Variants in AFG2A observed in about 807,000 individuals in gnomAD.
AFG2A encodes the protein AAA ATPase AFG2A, also known as ATPase family gene 2 protein homolog A.
chr4:123,287,070 C>T, the AFG2A span, among the ~76,000 whole-genome samples: 1 of 152,016 alleles, frequency 6.6e-6, no homozygotes, highest in Non-Finnish European at 1.5e-5. Context: ...CCGGCAGGCC[C>T]CTAGAGAGTG....
the AFG2A span, among the ~76,000 whole-genome samples, chr4:123,108,577 T>G: frequency 0.011 from 1,632 of 152,258 alleles, 34 homozygotes; most frequent in South Asian, 0.096. Context: ...ACAGACTTAG[T>G]CAGAGGTATG....
the AFG2A span, among the ~76,000 whole-genome samples, chr4:123,148,035 G>T: frequency 6.6e-6 from 1 of 152,156 alleles, no homozygotes; most frequent in Admixed American, 6.6e-5. Context: ...GAAAAAAAGA[G>T]CAGTGTAAAA....
chr4:123,254,819 C>A, the AFG2A span, among the ~76,000 whole-genome samples: 12 of 152,154 alleles, frequency 7.9e-5, no homozygotes, highest in Non-Finnish European at 1.8e-4. Context: ...ATAATGTAGG[C>A]ATTAGCCTCT....
At chr4:123,265,085 G>C in the AFG2A span, among the ~76,000 whole-genome samples, 9 of 152,010 alleles carry the variant, frequency 5.9e-5, no homozygotes, top group Admixed American at 3.9e-4. Flanking sequence ...CACAGAACTT[G>C]GATTTTAATA....
At chr4:123,267,539 C>T in the AFG2A span, among the ~76,000 whole-genome samples, 3 of 151,984 alleles carry the variant, frequency 2.0e-5, no homozygotes, top group Admixed American at 6.5e-5. Flanking sequence ...ACTTTTGGCA[C>T]TTGGACAGGA....
chr4:123,314,640 C>T, the AFG2A span: 2 of 151,866 alleles, frequency 1.3e-5, no homozygotes, highest in Admixed American at 6.6e-5. Flanking sequence ...TAATCTCTAC[C>T]TATGGCCAAA....
the AFG2A span, among the ~76,000 whole-genome samples, chr4:123,239,034 A>G: frequency 6.6e-6 from 1 of 152,196 alleles, no homozygotes; most frequent in Non-Finnish European, 1.5e-5. Context: ...GAACTTCGTG[A>G]CACATGCACA....
the AFG2A span, among the ~76,000 whole-genome samples, chr4:122,931,400 T>G: frequency 2.0e-5 from 3 of 152,098 alleles, no homozygotes; most frequent in African/African-American, 7.2e-5. Flanking sequence ...AAAGTTGCCT[T>G]GAACACCGTT....
the AFG2A span, among the ~76,000 whole-genome samples, chr4:123,300,699 A>C: frequency 6.6e-6 from 1 of 151,804 alleles, no homozygotes; most frequent in Non-Finnish European, 1.5e-5. Context: ...TGGATTTTGC[A>C]TTCCTTAACT....
chr4:122,927,902 C>G, the AFG2A span: 2 of 1,158,816 alleles, frequency 1.7e-6, no homozygotes, highest in African/African-American at 3.2e-5. Context: ...ATTTGGGATG[C>G]TTAGCCAGTA....
the AFG2A span, among the ~76,000 whole-genome samples, chr4:122,982,794 A>G: frequency 7.1e-6 from 1 of 140,550 alleles, no homozygotes; most frequent in Non-Finnish European, 1.6e-5. Flanking sequence ...GTCTCTTATG[A>G]TTGTATTTTT....
the AFG2A span, among the ~76,000 whole-genome samples, chr4:123,084,489 C>T: frequency 1.3e-5 from 2 of 150,614 alleles, no homozygotes; most frequent in African/African-American, 4.9e-5. Flanking sequence ...GTTCTATTTT[C>T]TTTGCATATT....
the AFG2A span, among the ~76,000 whole-genome samples, chr4:123,101,144 A>G: frequency 6.6e-6 from 1 of 151,912 alleles, no homozygotes; most frequent in African/African-American, 2.4e-5. Context: ...TCTTTTTGAA[A>G]AATTGTTTAA....
At chr4:123,184,638 G>A in the AFG2A span, among the ~76,000 whole-genome samples, 2 of 136,094 alleles carry the variant, frequency 1.5e-5, no homozygotes, top group African/African-American at 5.3e-5. Context: ...CCGGGTTCAC[G>A]CCATTCTCCT....
At chr4:123,160,916 A>C in the AFG2A span, among the ~76,000 whole-genome samples, 1 of 152,196 alleles carries the variant, frequency 6.6e-6, no homozygotes, top group Non-Finnish European at 1.5e-5. Flanking sequence ...TAGAACAATT[A>C]TAACAATATG....
the AFG2A span, among the ~76,000 whole-genome samples, chr4:122,935,216 T>C: frequency 1.3e-5 from 2 of 152,242 alleles, no homozygotes; most frequent in Non-Finnish European, 2.9e-5. Context: ...CTGATCTCTC[T>C]GCTTTTTTCC....
the AFG2A span, among the ~76,000 whole-genome samples, chr4:123,037,827 C>CG: frequency 1.3e-5 from 2 of 151,996 alleles, no homozygotes; most frequent in African/African-American, 4.8e-5. Flanking sequence ...AAAATCTTAA[C>CG]GGGACATTTC....
the AFG2A span, among the ~76,000 whole-genome samples, chr4:123,074,717 T>A: frequency 6.6e-6 from 1 of 152,174 alleles, no homozygotes; most frequent in Non-Finnish European, 1.5e-5. Flanking sequence ...CTTGCCAGAT[T>A]GTATTTTAAC....
the AFG2A span, among the ~76,000 whole-genome samples, chr4:123,244,768 T>C: frequency 6.6e-6 from 1 of 152,228 alleles, no homozygotes; most frequent in Non-Finnish European, 1.5e-5. Context: ...GAGCAACATG[T>C]TTTTGGTACC....
Sources: allele counts gnomAD v4.1 joint callset (sites outside exome capture counted in the v4.1 genomes callset), GRCh38; gene constraint gnomAD v4.1.1; transcripts MANE v1.5; gene names NCBI Gene and HGNC (gene_info 2026-07-23, HGNC 2026-07-21).